KYAT3: variants seen among roughly 807,000 people sequenced by gnomAD.
The protein encoded by KYAT3 is kynurenine aminotransferase 3, also known as kynurenine--oxoglutarate transaminase 3.
KYAT3 carries 50 observed loss-of-function variants against 59.0 expected under a neutral mutation model. The observed-to-expected ratio is 0.85, with a 90% CI of 0.68 to 1.07. The LOEUF is 1.07. KYAT3 is among the 50% of genes least tolerant of loss of function. KYAT3 has a pLI of 0.00. For missense variants in KYAT3, 497 were observed against 533.3 expected (o/e 0.93, Z 0.67); for synonymous variants, 148 against 177.0 (o/e 0.84, Z 1.30).
At chr1:88,968,316 G>C (rs1676419684) in intron 4 of KYAT3, among the ~76,000 whole-genome samples, 1 of 152,144 alleles carries the variant, frequency 6.6e-6, no homozygotes, top group Non-Finnish European at 1.5e-5. Flanking sequence ...GAAAAACGTA[G>C]CTAGTTGGAT....
At chr1:88,948,489 T>G (rs922306805) in intron 11 of KYAT3, among the ~76,000 whole-genome samples, 21 of 152,196 alleles carry the variant, frequency 1.4e-4, no homozygotes, top group African/African-American at 5.1e-4. Flanking sequence ...AAAACAATGC[T>G]TTTTGGAAAC....
intron 10 of KYAT3, among the ~76,000 whole-genome samples, chr1:88,950,389 T>C (rs1361161452): frequency 6.6e-6 from 1 of 152,172 alleles, no homozygotes; most frequent in Non-Finnish European, 1.5e-5. Flanking sequence ...CCTGGAAATC[T>C]GTGGTTTCCT....
At chr1:88,956,534 G>A (rs1240756082) in intron 8 of KYAT3, among the ~76,000 whole-genome samples, 1 of 152,292 alleles carries the variant, frequency 6.6e-6, no homozygotes, top group Non-Finnish European at 1.5e-5. Flanking sequence ...TTAATGTCTA[G>A]TAGGGACATG....
At chr1:88,981,370 T>C (rs1677081311) in intron 2 of KYAT3, 1 of 152,338 alleles carries the variant, frequency 6.6e-6, no homozygotes, top group Admixed American at 6.5e-5. Context: ...CCCATGACTT[T>C]AGCTAAACAA....
At chr1:88,979,469 A>C (rs1676965359) in intron 2 of KYAT3, 3 of 152,250 alleles carry the variant, frequency 2.0e-5, no homozygotes, top group Non-Finnish European at 4.4e-5. Context: ...CTTACAAAGG[A>C]CTTTAATACA....
Position 88,990,670 on chromosome 1 carries a change from T to C in KYAT3, c.-2+1915A>G, listed in dbSNP as rs543518190. Among the ~76,000 whole-genome samples the C allele has an allele frequency of 6.6e-5, 10 of 152,326 alleles. No homozygotes were observed. The South Asian group carries it at 1.7e-3, about 25-fold the overall frequency. On this transcript the variant is annotated intron_variant, in intron 1 of 13. Coordinates refer to ENST00000260508, the MANE Select transcript of KYAT3 (RefSeq NM_001008661.3). ...CTAGGCTCTCTTTCCATCTCACTTA[T>C]GACCCTCTCACTAGGTAATCTCATT... is the stretch of plus-strand genomic sequence containing the variant.
chr1:88,972,639 C>A (rs899216593), intron 2 of KYAT3, among the ~76,000 whole-genome samples: 1 of 152,202 alleles, frequency 6.6e-6, no homozygotes, highest in Non-Finnish European at 1.5e-5. Context: ...TGGTCTGTGT[C>A]ACTGTCATTC....
At chr1:88,941,297 T>C (rs879471608) in intron 13 of KYAT3, among the ~76,000 whole-genome samples, 3 of 152,206 alleles carry the variant, frequency 2.0e-5, no homozygotes, top group Admixed American at 1.3e-4. Context: ...TTGAAAACAG[T>C]GTTTATGTTA....
chr1:88,961,487 C>G lies in KYAT3; in HGVS notation c.560G>C (p.Arg187Thr). 6.2e-7 allele frequency: 1 copy of G among 1,611,606 alleles called. No individual in the cohort carries two copies. Among genetic ancestry groups the G allele is most frequent in the Admixed American group, 1.7e-5 (1 of 59,732 alleles). ...TAATGTCCAGTCAGAACTAGACCAT[C>G]TTTTTCCATAAACAGGTTTCTAAGC... Reference protein sequence around the residue: ...PLRSKPVYGKRWSSSDWTLDP... With the variant: ...PLRSKPVYGKTWSSSDWTLDP... Residue 187 changes from arginine (R) to threonine (T), a missense_variant, in exon 7 of 14, where the codon AGA (arginine) becomes ACA (threonine). This residue lies in a region of KYAT3 where 469 missense variants were observed against 479.1 expected (regional missense o/e 0.98). Transcript: ENST00000260508.
chr1:88,985,413 C>T (rs1287490755), intron 2 of KYAT3, among the ~76,000 whole-genome samples: 2 of 152,306 alleles, frequency 1.3e-5, no homozygotes, highest in Non-Finnish European at 2.9e-5. Flanking sequence ...TTCTTCTGGG[C>T]ACATGAAACA....
chr1:88,960,112 C>T (rs1443768204), intron 8 of KYAT3, among the ~76,000 whole-genome samples: 4 of 150,578 alleles, frequency 2.7e-5, no homozygotes, highest in African/African-American at 4.9e-5. Flanking sequence ...TTTTGAATTT[C>T]TGTGTAGAGA....
downstream of KYAT3, among the ~76,000 whole-genome samples, chr1:88,935,394 C>T (rs550642400): frequency 6.6e-6 from 1 of 150,942 alleles, no homozygotes; most frequent in East Asian, 1.9e-4. Context: ...AAAGGGAGAG[C>T]ATGTGCACAA....
chr1:88,956,678 G>C (rs1675931079), intron 8 of KYAT3, among the ~76,000 whole-genome samples: 1 of 152,168 alleles, frequency 6.6e-6, no homozygotes, highest in Non-Finnish European at 1.5e-5. Flanking sequence ...AGACATAGAA[G>C]ACCACATAGG....
At chr1:88,935,230 T>G (rs1570764665), downstream of KYAT3, among the ~76,000 whole-genome samples, 1 of 151,476 alleles carries the variant, frequency 6.6e-6, no homozygotes, top group East Asian at 1.9e-4. Context: ...CTCAAACTCC[T>G]GAATTCAAGT....
chr1:88,955,269 A>G, intron 8 of KYAT3, 44 bp from the exon 9 acceptor site: 2 of 1,138,920 alleles, frequency 1.8e-6, no homozygotes, highest in Non-Finnish European at 2.6e-6. Flanking sequence ...TTTCCAATTA[A>G]TCACATTTAG....
chr1:88,978,406 A>G (rs1246679258), intron 2 of KYAT3, among the ~76,000 whole-genome samples: 2 of 151,924 alleles, frequency 1.3e-5, no homozygotes, highest in South Asian at 4.2e-4. Context: ...TGCCACCATC[A>G]TGGCTCACTG....
chr1:88,938,985 T>C (rs1171280475), intron 13 of KYAT3, among the ~76,000 whole-genome samples: 1 of 152,226 alleles, frequency 6.6e-6, no homozygotes, highest in Non-Finnish European at 1.5e-5. Flanking sequence ...TCAAAGGGTA[T>C]GGGAAATCAC....
Position 88,970,972 on chromosome 1 carries a change from T to G in KYAT3, c.100-1505A>C, listed in dbSNP as rs79615143. 6.6e-5 allele frequency among the ~76,000 whole-genome samples: 10 copies of G among 152,336 alleles called. No homozygotes were observed. In the East Asian group the frequency reaches 1.9e-3, roughly 29 times the overall value. ...CCAGTGAAGTAAATCACATGAAAAT[T>G]CTCCAGAGGTTAAAAAGCTTGCTGG... is the stretch of plus-strand genomic sequence containing the variant. On this transcript the variant is annotated intron_variant, in intron 2 of 13. Transcript: ENST00000260508.
intron 11 of KYAT3, among the ~76,000 whole-genome samples, chr1:88,948,537 G>A (rs534742328): frequency 6.6e-6 from 1 of 152,314 alleles, no homozygotes; most frequent in South Asian, 2.1e-4. Flanking sequence ...CTTCAGGGAA[G>A]CTATTTAAAA....
Sources: allele counts gnomAD v4.1 joint callset (sites outside exome capture counted in the v4.1 genomes callset), GRCh38; gene constraint gnomAD v4.1.1; regional missense constraint gnomAD v4.1.1; transcripts MANE v1.5; gene names NCBI Gene and HGNC (gene_info 2026-07-23, HGNC 2026-07-21).